Variants in SYT1 observed in about 807,000 individuals in gnomAD.
SYT1 encodes the protein synaptotagmin-1.
A neutral mutation model predicts 44.8 loss-of-function variants in SYT1; 8 were observed. The ratio of observed to expected loss-of-function variants is 0.18; its 90% CI spans 0.10 to 0.32. SYT1 has a LOEUF of 0.32. Among genes scored for constraint, SYT1 ranks in the 10% least tolerant of loss-of-function variants. The pLI is 1.00. For missense variants in SYT1, 286 were observed against 509.3 expected (o/e 0.56, Z 4.22); for synonymous variants, 154 against 188.8 (o/e 0.82, Z 1.51).
At chr12:78,888,589 GTTA>G (rs1393284054) in intron 1 of SYT1, among the ~76,000 whole-genome samples, 1 of 151,928 alleles carries the variant, frequency 6.6e-6, no homozygotes, top group Non-Finnish European at 1.5e-5. Context: ...TTCTATGATA[GTTA>G]TTATCATCTT....
intron 3 of SYT1, among the ~76,000 whole-genome samples, chr12:79,090,961 T>C (rs534878080): frequency 5.9e-5 from 9 of 152,090 alleles, no homozygotes; most frequent in African/African-American, 2.2e-4. Context: ...TGTGAGTTAA[T>C]CTTTCCTAGA....
At chr12:78,999,646 T>G (rs1441270669) in intron 2 of SYT1, among the ~76,000 whole-genome samples, 1 of 152,182 alleles carries the variant, frequency 6.6e-6, no homozygotes, top group South Asian at 2.1e-4. Flanking sequence ...TTGTGTGTTT[T>G]AGAGAGGATA....
rs537145507 is a variant in SYT1 at position 79,308,159 on chromosome 12, C to T, written c.810+8608C>T. Among the ~76,000 whole-genome samples, 3 of 152,274 alleles carry T rather than the reference C, an allele frequency of 2.0e-5. No individual in the cohort carries two copies. In the South Asian group the frequency reaches 6.2e-4, roughly 32 times the overall value. On this transcript the variant is annotated intron_variant, in intron 8 of 10. Coordinates refer to ENST00000261205, the MANE Select transcript of SYT1 (RefSeq NM_005639.3). ...CAAATCCTTTCGCTGTAAGTCATGC[C>T]AATATGAAGCAGAATCTGAAGAACA... is the stretch of plus-strand genomic sequence containing the variant.
chr12:79,194,139 C>G (rs1873297583), intron 3 of SYT1, among the ~76,000 whole-genome samples: 1 of 151,634 alleles, frequency 6.6e-6, no homozygotes, highest in Non-Finnish European at 1.5e-5. Flanking sequence ...GCAAATAGGC[C>G]TACTATAAAA....
At chr12:79,153,075 C>T (rs190600571) in intron 3 of SYT1, among the ~76,000 whole-genome samples, 1 of 151,956 alleles carries the variant, frequency 6.6e-6, no homozygotes, top group Admixed American at 6.6e-5. Flanking sequence ...AAGTTGTCAT[C>T]GATGACCAAA....
intron 3 of SYT1, among the ~76,000 whole-genome samples, chr12:79,080,296 C>T (rs1876943136): frequency 1.3e-5 from 2 of 152,054 alleles, no homozygotes; most frequent in East Asian, 3.9e-4. Flanking sequence ...TATCAGACAT[C>T]TGCATATTTG....
chr12:79,154,405 CCTT>C (rs1341205400), intron 3 of SYT1, among the ~76,000 whole-genome samples: 1 of 149,388 alleles, frequency 6.7e-6, no homozygotes, highest in East Asian at 2.0e-4. Context: ...GTTTTTTTCT[CCTT>C]TTTTTTTTTT....
intron 2 of SYT1, among the ~76,000 whole-genome samples, chr12:78,996,666 G>A (rs1441888182): frequency 2.0e-5 from 3 of 152,100 alleles, no homozygotes; most frequent in African/African-American, 4.8e-5. Flanking sequence ...AGAACAGTAC[G>A]ATTTGAGGAT....
At chr12:79,376,761 GCTAA>G (rs549617864) in intron 9 of SYT1, among the ~76,000 whole-genome samples, 132 of 152,198 alleles carry the variant, frequency 8.7e-4, no homozygotes, top group Non-Finnish European at 1.0e-3. Context: ...CATAATTCAG[GCTAA>G]CTTTTAACTT....
chr12:79,235,001 G>A (rs867206253), intron 4 of SYT1, among the ~76,000 whole-genome samples: 3 of 152,060 alleles, frequency 2.0e-5, no homozygotes, highest in Non-Finnish European at 2.9e-5. Context: ...GAGCCACTGC[G>A]CCCAGCCTAG....
chr12:79,389,851 G>A (rs1884581063), intron 9 of SYT1, among the ~76,000 whole-genome samples: 1 of 151,812 alleles, frequency 6.6e-6, no homozygotes, highest in Non-Finnish European at 1.5e-5. Flanking sequence ...TCTTTAATGT[G>A]TTTCACTCTA....
intron 7 of SYT1, 27 bp downstream of exon 7, chr12:79,296,263 T>C: frequency 2.5e-6 from 4 of 1,597,962 alleles, no homozygotes; most frequent in Non-Finnish European, 3.4e-6. Context: ...ATTTATAACC[T>C]TTCCTTTGTT....
intron 1 of SYT1, among the ~76,000 whole-genome samples, chr12:78,951,927 AG>A (rs1310032166): frequency 6.6e-6 from 1 of 152,154 alleles, no homozygotes; most frequent in Non-Finnish European, 1.5e-5. Flanking sequence ...AGCAAGCTCC[AG>A]CTTTCGAAGG....
At chr12:79,060,047 T>C (rs1388501117) in intron 3 of SYT1, among the ~76,000 whole-genome samples, 1 of 152,092 alleles carries the variant, frequency 6.6e-6, no homozygotes, top group African/African-American at 2.4e-5. Context: ...AATTTCTCTT[T>C]GCATAAGAGA....
intron 2 of SYT1, among the ~76,000 whole-genome samples, chr12:78,991,749 T>G (rs889484479): frequency 1.3e-5 from 2 of 152,196 alleles, no homozygotes; most frequent in Non-Finnish European, 2.9e-5. Context: ...GCTAACAAGT[T>G]CTTCTAATCT....
chr12:79,045,407 C>G (rs967023541), intron 2 of SYT1: 1 of 153,440 alleles, frequency 6.5e-6, no homozygotes, highest in Non-Finnish European at 1.4e-5. Context: ...TTACCCCTTT[C>G]TTTGACTCCG....
intron 8 of SYT1, among the ~76,000 whole-genome samples, chr12:79,343,695 TTC>T (rs1198234254): frequency 6.6e-6 from 1 of 152,230 alleles, no homozygotes; most frequent in African/African-American, 2.4e-5. Context: ...CTCCCAATAT[TTC>T]TGTCTTTCTA....
chr12:79,021,916 T>A lies in SYT1; in HGVS notation c.-83-25381T>A, dbSNP rs866614346. Among the ~76,000 whole-genome samples, 55 of 151,890 alleles carry A rather than the reference T, an allele frequency of 3.6e-4. 1 individual carries two copies. In the Middle Eastern group the frequency reaches 0.014, roughly 38 times the overall value. ...GTACGCCCCCTTTTTTTTGAAAGCA[T>A]CTTCAAATCTATTATTTTTGTCTTC... On this transcript the variant is annotated intron_variant, in intron 2 of 10. Coordinates refer to ENST00000261205, the MANE Select transcript of SYT1 (RefSeq NM_005639.3).
At chr12:79,149,879 C>T (rs527961206) in intron 3 of SYT1, among the ~76,000 whole-genome samples, 1 of 152,168 alleles carries the variant, frequency 6.6e-6, no homozygotes, top group Non-Finnish European at 1.5e-5. Flanking sequence ...ATAGTATCTT[C>T]AATGCCAAGC....
Sources: gnomAD v4.1 joint callset for allele counts (sites outside exome capture counted in the v4.1 genomes callset) on GRCh38, gnomAD v4.1.1 for gene constraint, MANE v1.5 for transcripts, NCBI Gene and HGNC (gene_info 2026-07-23, HGNC 2026-07-21) for gene names.